Variants in PINX1 observed in about 807,000 individuals in gnomAD.
PINX1 encodes PIN2/TERF1-interacting telomerase inhibitor 1.
Under a neutral mutation model 25.4 loss-of-function variants are expected in PINX1, and 34 were observed. The ratio of observed to expected loss-of-function variants is 1.34; its 90% CI spans 1.02 to 1.78. PINX1 has a LOEUF of 1.78. Among genes scored for constraint, PINX1 ranks in the 40% most tolerant of loss-of-function variants. The pLI is 0.00. For missense variants in PINX1, 592 were observed against 404.9 expected (o/e 1.46, Z -3.97); for synonymous variants, 197 against 147.7 (o/e 1.33, Z -2.42).
In PINX1 at chr8:10,795,552, T is replaced by C. The variant is rs138712701; in HGVS notation, c.471+24641A>G. On this transcript the variant is annotated intron_variant, in intron 6 of 6. Coordinates refer to ENST00000314787, the MANE Select transcript of PINX1 (RefSeq NM_017884.6). ...AGTAGCTGGGACTACAGGCACACAC[T>C]ACCATGCCTGGCTAATTTTTGTATT... is the stretch of plus-strand genomic sequence containing the variant. Among the ~76,000 whole-genome samples the C allele has an allele frequency of 1.3e-4, 20 of 152,274 alleles. 1 individual carries two copies. The East Asian group carries it at 3.9e-3, about 29-fold the overall frequency.
chr8:10,812,077 A>C (rs945486803), intron 6 of PINX1, among the ~76,000 whole-genome samples: 3 of 152,194 alleles, frequency 2.0e-5, no homozygotes, highest in African/African-American at 7.2e-5. Flanking sequence ...CCCAAGGTGA[A>C]GGTAACTTCA....
chr8:10,819,630 A>G (rs1364553586), intron 6 of PINX1, among the ~76,000 whole-genome samples: 14 of 152,226 alleles, frequency 9.2e-5, no homozygotes, highest in Admixed American at 7.9e-4. Flanking sequence ...AGTTCATTCC[A>G]TTGAGGGTGT....
At position 10,765,774 on chromosome 8, in the gene PINX1, G is replaced by A. The variant is rs374613074; in HGVS notation, c.614C>T (p.Thr205Met). The A allele has an allele frequency of 1.3e-5, 21 of 1,613,656 alleles. 1 individual carries two copies. In the African/African-American group the frequency reaches 1.5e-4, roughly 11 times the overall value. Residue 205 changes from threonine (T) to methionine (M), a missense_variant, in exon 7 of 7, where the codon ACG becomes ATG. By Grantham distance (81) the Thr-to-Met change is moderately conservative (BLOSUM62 -1). Coordinates refer to ENST00000314787, the MANE Select transcript of PINX1 (RefSeq NM_017884.6). ...CTTCCCCCTTTTACGTTCCACCTGC[G>A]TCTCAGAAATGTCAGACCCTGGAAC... ...VPVPGSDISE[T>M]QVERKRGKKR... is the part of the protein sequence containing the mutation.
intron 6 of PINX1, among the ~76,000 whole-genome samples, chr8:10,818,189 G>A (rs1019740545): frequency 1.3e-5 from 2 of 152,144 alleles, no homozygotes; most frequent in Non-Finnish European, 2.9e-5. Flanking sequence ...AGAGAGAGAT[G>A]TGACTAATGG....
chr8:10,833,133 G>C (rs1010559844), intron 2 of PINX1, 149 bp from the exon 3 acceptor site: 51 of 550,312 alleles, frequency 9.3e-5, no homozygotes, highest in Admixed American at 6.8e-5. Context: ...ACATGGGGGA[G>C]GACTCTAAGT....
rs939786439 is a variant in PINX1 at position 10,781,439 on chromosome 8, G to C, written c.472-15523C>G. Among the ~76,000 whole-genome samples, 21 of 152,164 alleles carry C rather than the reference G, an allele frequency of 1.4e-4. 1 individual carries two copies. The highest frequency in any genetic ancestry group is 1.0e-3 in the Admixed American group (16 of 15,274). The stretch of plus-strand genomic sequence containing the variant: ...TACAAATTAGGGAAAAATACTTGTA[G>C]ACCATGTATCTGATATAAAGTTAAT... On this transcript the variant is annotated intron_variant, in intron 6 of 6. Coordinates refer to ENST00000314787, the MANE Select transcript of PINX1 (RefSeq NM_017884.6).
chr8:10,775,410 G>GTTTTTTTTTTTTT (rs143926728), intron 6 of PINX1, among the ~76,000 whole-genome samples: 7 of 109,610 alleles, frequency 6.4e-5, no homozygotes, highest in East Asian at 3.5e-4. Context: ...CTGTTTTGTG[G>GTTTTTTTTTTTTT]TTTTTTTTTT....
chr8:10,829,899 G>C (rs1006552109), intron 4 of PINX1, among the ~76,000 whole-genome samples: 1 of 152,128 alleles, frequency 6.6e-6, no homozygotes, highest in African/African-American at 2.4e-5. Context: ...GGTCAGGCTG[G>C]TCTCAAACTC....
chr8:10,812,815 G>A (rs958304407), intron 6 of PINX1, among the ~76,000 whole-genome samples: 12 of 151,910 alleles, frequency 7.9e-5, no homozygotes, highest in Admixed American at 3.9e-4. Context: ...CCCTGACACC[G>A]CCCAGCCTCC....
chr8:10,772,394 A>G (rs1050048447), intron 6 of PINX1, among the ~76,000 whole-genome samples: 3 of 152,354 alleles, frequency 2.0e-5, no homozygotes, highest in Non-Finnish European at 2.9e-5. Flanking sequence ...CTGAGCCACT[A>G]TGGCGGGCGG....
Position 10,806,302 on chromosome 8 carries a change from G to A in PINX1, c.471+13891C>T, listed in dbSNP as rs144424019. On this transcript the variant is annotated intron_variant, in intron 6 of 6. Transcript: ENST00000314787. ...GCTTGGATCCAACAAGCTGCAGTAG[G>A]AGCTCATGGACGCACGTGTGGGGGA... is the stretch of plus-strand genomic sequence containing the variant. Among the ~76,000 whole-genome samples, 568 of 152,348 alleles carry A rather than the reference G, an allele frequency of 3.7e-3. 2 individuals carry two copies. The highest frequency in any genetic ancestry group is 0.012 in the African/African-American group (512 of 41,580).
At chr8:10,775,856 A>G (rs1443367567) in intron 6 of PINX1, among the ~76,000 whole-genome samples, 2 of 152,138 alleles carry the variant, frequency 1.3e-5, no homozygotes, top group Non-Finnish European at 2.9e-5. Flanking sequence ...GTTTTTTCAC[A>G]TGACTTTCTT....
chr8:10,791,920 G>A (rs1370891708), intron 6 of PINX1, among the ~76,000 whole-genome samples: 4 of 152,276 alleles, frequency 2.6e-5, no homozygotes, highest in Non-Finnish European at 5.9e-5. Flanking sequence ...AAGGCCCTGA[G>A]ACCCCCAGGA....
intron 6 of PINX1, among the ~76,000 whole-genome samples, chr8:10,812,333 C>A (rs10091961): frequency 0.028 from 4,336 of 152,210 alleles, 93 homozygotes; most frequent in Middle Eastern, 0.095. Flanking sequence ...CAAGTCAAGA[C>A]TTAAACCTTC....
intron 6 of PINX1, among the ~76,000 whole-genome samples, chr8:10,774,254 A>G (rs1469085029): frequency 6.6e-6 from 1 of 152,150 alleles, no homozygotes; most frequent in South Asian, 2.1e-4. Flanking sequence ...ATTAAATGTA[A>G]AATCTTCTAA....
intron 6 of PINX1, 54 bp downstream of exon 6, chr8:10,820,139 G>C: frequency 2.7e-6 from 3 of 1,130,018 alleles, no homozygotes; most frequent in Non-Finnish European, 4.0e-6. Context: ...CTATACACAG[G>C]TGAAAATCAG....
At chr8:10,812,373 G>C (rs375651190) in intron 6 of PINX1, among the ~76,000 whole-genome samples, 1 of 152,188 alleles carries the variant, frequency 6.6e-6, no homozygotes, top group Non-Finnish European at 1.5e-5. Flanking sequence ...ATCATTTCAC[G>C]TGTTCTCTTT....
intron 6 of PINX1, among the ~76,000 whole-genome samples, chr8:10,797,377 C>T (rs1029785510): frequency 6.6e-6 from 1 of 152,190 alleles, no homozygotes; most frequent in Non-Finnish European, 1.5e-5. Context: ...TGCTGGAAGA[C>T]ACTTCTACTG....
chr8:10,783,598 G>A (rs1801659479), intron 6 of PINX1, among the ~76,000 whole-genome samples: 1 of 152,168 alleles, frequency 6.6e-6, no homozygotes, highest in Non-Finnish European at 1.5e-5. Context: ...AGCACTCAAG[G>A]CCTTTGCTCC....
Sources: allele counts gnomAD v4.1 joint callset (sites outside exome capture counted in the v4.1 genomes callset), GRCh38; gene constraint gnomAD v4.1.1; transcripts MANE v1.5; gene names NCBI Gene and HGNC (gene_info 2026-07-23, HGNC 2026-07-21).